Variants in PRDM5 observed in about 807,000 individuals in gnomAD.
PRDM5 encodes PR/SET domain 5.
Under a neutral mutation model 81.2 loss-of-function variants are expected in PRDM5, and 56 were observed. The ratio of observed to expected loss-of-function variants is 0.69; its 90% CI spans 0.56 to 0.86. PRDM5 has a LOEUF of 0.86. Among genes scored for constraint, PRDM5 ranks in the 40% least tolerant of loss-of-function variants. The pLI is 0.00. For synonymous variants in PRDM5, 267 were observed against 256.4 expected (o/e 1.04, Z -0.39); for missense variants, 697 against 770.1 (o/e 0.91, Z 1.12).
At chr4:120,744,386 C>T (rs550542418) in intron 14 of PRDM5, among the ~76,000 whole-genome samples, 1 of 152,036 alleles carries the variant, frequency 6.6e-6, no homozygotes, top group Non-Finnish European at 1.5e-5. Flanking sequence ...AAAGCAAGAG[C>T]AAACACACTC....
intron 2 of PRDM5, among the ~76,000 whole-genome samples, chr4:120,872,164 A>AACAAAAAAAAAAAAAC: frequency 2.7e-5 from 4 of 148,090 alleles, no homozygotes; most frequent in African/African-American, 1.0e-4. Flanking sequence ...AAAAAAAAAA[A>AACAAAAAAAAAAAAAC]AAAAAAAAAA....
At chr4:120,873,417 T>C (rs1168663321) in intron 2 of PRDM5, among the ~76,000 whole-genome samples, 3 of 152,310 alleles carry the variant, frequency 2.0e-5, no homozygotes, top group Non-Finnish European at 2.9e-5. Context: ...ATAGAAATAA[T>C]TGAACAGGAA....
chr4:120,842,863 C>A (rs999238841), intron 3 of PRDM5, among the ~76,000 whole-genome samples: 1 of 152,168 alleles, frequency 6.6e-6, no homozygotes, highest in Non-Finnish European at 1.5e-5. Context: ...CTTCAGCCCT[C>A]TAGCCTTCTT....
intron 2 of PRDM5, among the ~76,000 whole-genome samples, chr4:120,900,811 G>A (rs560993485): frequency 1.3e-5 from 2 of 152,006 alleles, no homozygotes; most frequent in Admixed American, 6.6e-5. Flanking sequence ...GGAGTTTTGG[G>A]GGGTATTTAT....
At chr4:120,803,107 G>A (rs1183050079) in intron 8 of PRDM5, among the ~76,000 whole-genome samples, 2 of 152,150 alleles carry the variant, frequency 1.3e-5, no homozygotes, top group African/African-American at 2.4e-5. Context: ...AAGGGTATCA[G>A]TGATTGAAGA....
intron 2 of PRDM5, among the ~76,000 whole-genome samples, chr4:120,904,189 C>CAAAAAAAAAAAAA (rs1170050475): frequency 0.041 from 1,759 of 42,560 alleles, 609 homozygotes; most frequent in South Asian, 0.088. Context: ...GACTCCTTCT[C>CAAAAAAAAAAAAA]AAAAAAAAAA....
chr4:120,819,287 T>C (rs1476725873), intron 4 of PRDM5, among the ~76,000 whole-genome samples: 3 of 152,348 alleles, frequency 2.0e-5, no homozygotes, highest in East Asian at 3.9e-4. Flanking sequence ...AAGTCAAATG[T>C]TGGCATATTT....
intron 15 of PRDM5, among the ~76,000 whole-genome samples, chr4:120,703,926 TA>T (rs1166082552): frequency 7.0e-6 from 1 of 141,978 alleles, no homozygotes; most frequent in Non-Finnish European, 1.6e-5. Flanking sequence ...CCATTAAAAA[TA>T]TATATAAAAA....
At chr4:120,855,568 T>C (rs1218818155) in intron 2 of PRDM5, among the ~76,000 whole-genome samples, 1 of 152,228 alleles carries the variant, frequency 6.6e-6, no homozygotes, top group Admixed American at 6.5e-5. Context: ...ACTCTACACC[T>C]CTGCCTCAAT....
intron 8 of PRDM5, 57 bp downstream of exon 8, chr4:120,811,313 C>T: frequency 8.6e-7 from 1 of 1,166,682 alleles, no homozygotes; most frequent in Non-Finnish European, 1.2e-6. Flanking sequence ...TACTATAAAA[C>T]ATATTAAAAT....
intron 12 of PRDM5, among the ~76,000 whole-genome samples, chr4:120,779,871 C>G (rs911551489): frequency 1.3e-5 from 2 of 152,050 alleles, no homozygotes; most frequent in African/African-American, 4.8e-5. Flanking sequence ...GATGGCACCA[C>G]TGCACTCCAG....
At chr4:120,856,898 G>C (rs1759939585) in intron 2 of PRDM5, among the ~76,000 whole-genome samples, 1 of 152,040 alleles carries the variant, frequency 6.6e-6, no homozygotes, top group South Asian at 2.1e-4. Context: ...GAATTTTCTT[G>C]GAAATGAAGT....
rs116454615 is a variant in PRDM5, at chr4:120,767,034, C to T, written c.1537+10154G>A. ...AAGGGGGAAGAAGGAGGATGCAGAG[C>T]GGAACGAAGGGGAAGCAAGGATACA... is the stretch of plus-strand genomic sequence containing the variant. On this transcript the variant is annotated intron_variant, in intron 13 of 15. Transcript: ENST00000264808. Among the ~76,000 whole-genome samples the T allele has an allele frequency of 3.0e-3, 456 of 151,904 alleles. 1 individual carries two copies. The highest frequency in any genetic ancestry group is 4.7e-3 in the Non-Finnish European group (320 of 67,980).
rs1748982542 is a variant in PRDM5 at position 120,781,172 on chromosome 4, T to C, written c.1414A>G (p.Thr472Ala). The change falls in exon 12 of 16, where the codon ACA (threonine) becomes GCA (alanine). Residue 472 changes from threonine to alanine, a missense_variant. By Grantham distance (58) the Thr-to-Ala change is moderately conservative (BLOSUM62 0). Coordinates refer to ENST00000264808, the MANE Select transcript of PRDM5 (RefSeq NM_018699.4). ...TTATGACTTCTAAGCACTGAAGGTGTAACAAAGGCCTTATTACATAGCTCA... is the reference window on the plus strand; with the variant it reads ...TTATGACTTCTAAGCACTGAAGGTGCAACAAAGGCCTTATTACATAGCTCA... ...RCELCNKAFV[T>A]PSVLRSHKKT... is the part of the protein sequence containing the mutation. The C allele has an allele frequency of 6.2e-7, 1 of 1,613,278 alleles. No homozygotes were observed. Among genetic ancestry groups the C allele is most frequent in the African/African-American group, 1.3e-5 (1 of 74,870 alleles).
intron 10 of PRDM5, among the ~76,000 whole-genome samples, chr4:120,788,426 T>G (rs1021426833): frequency 6.6e-6 from 1 of 152,152 alleles, no homozygotes; most frequent in East Asian, 1.9e-4. Flanking sequence ...GGAAAGACAG[T>G]GATATTTGAC....
At chr4:120,733,675 G>C (rs534331279) in intron 14 of PRDM5, among the ~76,000 whole-genome samples, 1 of 152,080 alleles carries the variant, frequency 6.6e-6, no homozygotes, top group South Asian at 2.1e-4. Context: ...ACTCCAGGTG[G>C]CTGAGACCAG....
At position 120,874,149 on chromosome 4, in the gene PRDM5, T is replaced by C. The variant is rs182611331; in HGVS notation, c.178-20609A>G. Among the ~76,000 whole-genome samples the C allele has an allele frequency of 3.9e-5, 6 of 152,302 alleles. No homozygotes were observed. In the East Asian group the frequency reaches 1.2e-3, roughly 29 times the overall value. On this transcript the variant is annotated intron_variant, in intron 2 of 15. Coordinates refer to ENST00000264808, the MANE Select transcript of PRDM5 (RefSeq NM_018699.4). ...CTTCTAGCTATTTGAAAGTATACAA[T>C]ATACTGTTGTTTATTATAGTCCCTC...
chr4:120,840,120 G>A lies in PRDM5; in HGVS notation c.300+13298C>T, dbSNP rs76636844. Among the ~76,000 whole-genome samples, 1,022 of 152,304 alleles carry A rather than the reference G, an allele frequency of 6.7e-3. 13 individuals are homozygous for A. The highest frequency in any genetic ancestry group is 0.023 in the African/African-American group (958 of 41,570). ...GCTGAAGCCGCATCTGGGAGGGTGC[G>A]GCTGCTACCTGCTCCTGGCTCCCAC... is the stretch of plus-strand genomic sequence containing the variant. On this transcript the variant is annotated intron_variant, in intron 3 of 15. Transcript: ENST00000264808.
chr4:120,770,364 A>G (rs937119310), intron 13 of PRDM5, among the ~76,000 whole-genome samples: 13 of 152,132 alleles, frequency 8.5e-5, no homozygotes, highest in African/African-American at 3.1e-4. Context: ...TTCAAACATG[A>G]GGAAATGTTG....
Sources: allele counts gnomAD v4.1 joint callset (sites outside exome capture counted in the v4.1 genomes callset), GRCh38; gene constraint gnomAD v4.1.1; transcripts MANE v1.5; gene names NCBI Gene and HGNC (gene_info 2026-07-23, HGNC 2026-07-21).